Variants in KIAA1210 observed in about 807,000 individuals in gnomAD.
KIAA1210 encodes the protein KIAA1210.
A neutral mutation model predicts 78.9 loss-of-function variants in KIAA1210; 48 were observed. The observed-to-expected ratio is 0.61, with a 90% CI of 0.48 to 0.77. The LOEUF is 0.77. KIAA1210 is among the 30% of genes least tolerant of loss of function. KIAA1210 has a pLI of 0.00. For synonymous variants in KIAA1210, 406 were observed against 404.5 expected (o/e 1.00, Z -0.04); for missense variants, 1,108 against 1,100.0 (o/e 1.01, Z -0.10).
At chrX:119,112,138 G>A (rs1928098519) in intron 3 of KIAA1210, among the ~76,000 whole-genome samples, 1 of 111,393 alleles carries the variant, frequency 9.0e-6, no homozygotes, top group South Asian at 3.8e-4. Context: ...CATGTAAGAC[G>A]TGCCTTGCTT....
At chrX:119,096,119 T>C (rs907757565) in intron 7 of KIAA1210, among the ~76,000 whole-genome samples, 16 of 112,692 alleles carry the variant, frequency 1.4e-4, no homozygotes, top group Admixed American at 1.3e-3. Flanking sequence ...TTGTGACTCA[T>C]GGGTCTCATC....
rs1283666789 is a variant in KIAA1210 at position 119,127,760 on chromosome X, C to A, written c.-44G>T. On this transcript the variant is annotated 5_prime_UTR_variant, in exon 1 of 12. Coordinates refer to ENST00000691062, the MANE Select transcript of KIAA1210 (RefSeq NM_001394962.1). ...TGTCCTCACTTTCTATTCTCGTGAG[C>A]TCTCCAATCAGGCTTCCAAACTGAA... 8.9e-6 allele frequency among the ~76,000 whole-genome samples: 1 copy of A among 112,203 alleles called. No homozygotes were observed. The highest frequency in any genetic ancestry group is 1.9e-5 in the Non-Finnish European group (1 of 53,293).
intron 11 of KIAA1210, 147 bp from the exon 12 acceptor site, chrX:119,081,651 G>A: frequency 1.8e-6 from 1 of 552,043 alleles, no homozygotes; most frequent in African/African-American, 2.4e-5. Flanking sequence ...TCTCCCTTTG[G>A]TGCCAGACTT....
upstream of KIAA1210, among the ~76,000 whole-genome samples, chrX:119,130,344 G>C (rs774445997): frequency 8.9e-6 from 1 of 112,231 alleles, no homozygotes; most frequent in African/African-American, 3.2e-5. Flanking sequence ...TTGGAACATC[G>C]TCTCTCTAAT....
At chrX:119,117,907 C>T (rs911051769) in intron 2 of KIAA1210, among the ~76,000 whole-genome samples, 8 of 111,352 alleles carry the variant, frequency 7.2e-5, no homozygotes, top group Admixed American at 2.9e-4. Flanking sequence ...GCCACCACGC[C>T]GGGCCTCTTT....
In KIAA1210 at chrX:119,116,638, G is replaced by T. The variant is rs148521556; in HGVS notation, c.88C>A (p.Leu30Ile). Residue 30 changes from leucine (L) to isoleucine (I), a missense_variant, in exon 3 of 12, where the codon CTT becomes ATT. Around this residue, in one of 5 missense-constraint regions of KIAA1210, gnomAD observed 672 missense variants for 607.1 expected, o/e 1.11. Transcript: ENST00000691062. Reference protein sequence around the residue: ...EGKKKCKFKALKSFFVKKKEK... With the variant: ...EGKKKCKFKAIKSFFVKKKEK... ...TTCTTCTTAACAAAAAAGCTCTTAA[G>T]GGCTTTAAATTTGCATTTCTTCTTT... 18,160 of 1,202,787 alleles carry T rather than the reference G, an allele frequency of 0.015. 120 individuals are homozygous for T. The highest frequency in any genetic ancestry group is 0.018 in the Non-Finnish European group (15,925 of 891,246).
Position 119,099,351 on chromosome X carries a change from G to A in KIAA1210, c.649-2660C>T, listed in dbSNP as rs138803506. ...AGTTTATCTGTTTCCAATCACAGCC[G>A]AAGCCAAGAGTCCATCAAACTTAAT... On this transcript the variant is annotated intron_variant, in intron 6 of 11. Coordinates refer to ENST00000691062, the MANE Select transcript of KIAA1210 (RefSeq NM_001394962.1). Among the ~76,000 whole-genome samples, 1,016 of 112,065 alleles carry A rather than the reference G, an allele frequency of 9.1e-3. 15 individuals carry two copies. Among genetic ancestry groups the A allele is most frequent in the African/African-American group, 0.031 (960 of 30,854 alleles).
chrX:119,088,468 G>C lies in KIAA1210; in HGVS notation c.2234C>G (p.Pro745Arg). The change falls in exon 9 of 12, where the codon CCT becomes CGT. Residue 745 changes from proline to arginine, a missense_variant. This residue lies in a region of KIAA1210 where 672 missense variants were observed against 607.1 expected (regional missense o/e 1.11). Coordinates refer to ENST00000691062, the MANE Select transcript of KIAA1210 (RefSeq NM_001394962.1). ...SRCPSQPIMNPTVQQQVPTSS... is the reference protein window; with the variant it reads ...SRCPSQPIMNRTVQQQVPTSS... ...GGTGGGGACTTGTTGCTGAACAGTA[G>C]GATTCATAATGGGCTGAGAAGGGCA... The C allele has an allele frequency of 8.3e-7, 1 of 1,211,255 alleles. No individual in the cohort carries two copies. Among genetic ancestry groups the C allele is most frequent in the Non-Finnish European group, 1.1e-6 (1 of 895,226 alleles).
At chrX:119,116,976 A>G (rs938595543) in intron 2 of KIAA1210, among the ~76,000 whole-genome samples, 14 of 112,329 alleles carry the variant, frequency 1.2e-4, no homozygotes, top group Non-Finnish European at 2.6e-4. Context: ...AGCTATTAAC[A>G]TATACACCTC....
Position 119,087,360 on chromosome X carries a change from C to T in KIAA1210, c.3342G>A (p.Glu1114=), listed in dbSNP as rs1416647898. Residue 1114 remains glutamate (E), a synonymous_variant, in exon 9 of 12, where the codon GAG becomes GAA. Coordinates refer to ENST00000691062, the MANE Select transcript of KIAA1210 (RefSeq NM_001394962.1). The part of the protein sequence containing the change: ...RAPGKCSSFK[E]QLSPRQLSQA... The stretch of plus-strand genomic sequence containing the variant: ...GGGAAAGCTGCCTGGGAGACAGCTG[C>T]TCTTTAAAACTGCTGCACTTCCCAG... 1 of 1,209,481 alleles carries T rather than the reference C, an allele frequency of 8.3e-7. No individual in the cohort carries two copies. Among genetic ancestry groups the T allele is most frequent in the Admixed American group, 2.2e-5 (1 of 45,768 alleles).
In KIAA1210 at chrX:119,108,464, T is replaced by C. The variant is rs773610553; in HGVS notation, c.365A>G (p.His122Arg). The change falls in exon 5 of 12, where the codon CAT (histidine) becomes CGT (arginine). Residue 122 changes from histidine to arginine, a missense_variant. By Grantham distance (29) the His-to-Arg change is conservative. Coordinates refer to ENST00000691062, the MANE Select transcript of KIAA1210 (RefSeq NM_001394962.1). ...AGGTTTAGGCAGAGTTCTGGAAATA[T>C]GGGATCTCTGTGTAAGAGAGAGAGA... ...PQRGRPQQRS[H>R]ISRTLPKPRS... The C allele has an allele frequency of 1.3e-5, 16 of 1,205,445 alleles. No homozygotes were observed. In the Admixed American group the frequency reaches 2.2e-4, roughly 17 times the overall value.
intron 11 of KIAA1210, 39 bp downstream of exon 11, chrX:119,082,976 C>T (rs373991905): frequency 7.0e-5 from 67 of 954,608 alleles, no homozygotes; most frequent in Admixed American, 6.0e-4. Flanking sequence ...AACATTCTGT[C>T]GGGGCTGTTT....
intron 3 of KIAA1210, among the ~76,000 whole-genome samples, chrX:119,110,168 C>T (rs1019353675): frequency 4.5e-5 from 5 of 111,789 alleles, no homozygotes; most frequent in Non-Finnish European, 9.4e-5. Flanking sequence ...GAATTGTATA[C>T]CATGACAAAG....
chrX:119,102,668 A>G (rs1240848300), intron 6 of KIAA1210, among the ~76,000 whole-genome samples: 1 of 112,253 alleles, frequency 8.9e-6, no homozygotes, highest in African/African-American at 3.2e-5. Context: ...TGTAGCACTC[A>G]AAATTAACTC....
At chrX:119,126,095 C>T (rs1928637679) in intron 1 of KIAA1210, among the ~76,000 whole-genome samples, 1 of 108,892 alleles carries the variant, frequency 9.2e-6, no homozygotes, top group Admixed American at 1.0e-4. Context: ...CCTTGCCACT[C>T]CAGATCTGCT....
In KIAA1210 at chrX:119,080,611, G is replaced by C. The variant is rs41301489; in HGVS notation, c.*718C>G. On this transcript the variant is annotated 3_prime_UTR_variant, in exon 12 of 12. Coordinates refer to ENST00000691062, the MANE Select transcript of KIAA1210 (RefSeq NM_001394962.1). ...ATTACTTTATTTGGTTGAGGGAAAT[G>C]ACAATTTTCTAGTTGCTCCAACAAA... 1 of 112,180 alleles carries C rather than the reference G, an allele frequency of 8.9e-6. No homozygotes were observed. The highest frequency in any genetic ancestry group is 3.2e-5 in the African/African-American group (1 of 30,864). The allele number at this position is 112,180 out of a possible 1,213,427, so 9.2% of individuals were successfully genotyped here.
At chrX:119,144,635 G>C (rs1448129895) in intron 2 of KIAA1210, among the ~76,000 whole-genome samples, 1 of 111,917 alleles carries the variant, frequency 8.9e-6, no homozygotes, top group Non-Finnish European at 1.9e-5. Context: ...TTCCAGGGGA[G>C]GTCTTCTTTT....
chrX:119,104,485 C>T (rs150529740), intron 6 of KIAA1210, among the ~76,000 whole-genome samples: 2,061 of 112,243 alleles, frequency 0.018, 46 homozygotes, highest in African/African-American at 0.062. Flanking sequence ...TCACCAACAA[C>T]CAATTCAATT....
At chrX:119,145,764 T>C (rs748977935) in intron 2 of KIAA1210, among the ~76,000 whole-genome samples, 17 of 112,515 alleles carry the variant, frequency 1.5e-4, no homozygotes, top group African/African-American at 3.9e-4. Context: ...AACTAATTTC[T>C]TCTAGTGAAT....
Sources: gnomAD v4.1 joint callset for allele counts (sites outside exome capture counted in the v4.1 genomes callset) on GRCh38, gnomAD v4.1.1 for gene constraint, gnomAD v4.1.1 regional missense constraint, MANE v1.5 for transcripts, NCBI Gene and HGNC (gene_info 2026-07-23, HGNC 2026-07-21) for gene names.